The following SLC35D2 variants were observed in gnomAD, a reference collection of about 807,000 sequenced individuals.
SLC35D2 encodes solute carrier family 35 member D2, also known as nucleotide sugar transporter SLC35D2.
Under a neutral mutation model 41.8 loss-of-function variants are expected in SLC35D2, and 43 were observed. The observed-to-expected ratio is 1.03, with a 90% CI of 0.81 to 1.33. The LOEUF is 1.33. Ranked by LOEUF, SLC35D2 falls within the 40% of genes most tolerant of loss-of-function variation. SLC35D2 has a pLI of 0.00. For synonymous variants in SLC35D2, 150 were observed against 163.9 expected (o/e 0.92, Z 0.65); for missense variants, 380 against 408.4 (o/e 0.93, Z 0.60).
chr9:96,359,547 A>C (rs1587702315), intron 4 of SLC35D2, among the ~76,000 whole-genome samples: 2 of 147,028 alleles, frequency 1.4e-5, no homozygotes, highest in South Asian at 4.4e-4. Context: ...AAACTTAGCC[A>C]GGCGTGGTGG....
chr9:96,355,198 A>G (rs1268134435), intron 4 of SLC35D2, among the ~76,000 whole-genome samples: 1 of 151,772 alleles, frequency 6.6e-6, no homozygotes, highest in Admixed American at 6.6e-5. Flanking sequence ...TTGTATTTTT[A>G]GTATAGATGG....
chr9:96,362,094 A>C (rs1359635691), intron 3 of SLC35D2, among the ~76,000 whole-genome samples: 1 of 152,262 alleles, frequency 6.6e-6, no homozygotes. Context: ...GAATACAGCC[A>C]CACACAACAC....
chr9:96,321,410 G>T, intron 11 of SLC35D2, 69 bp from the exon 12 acceptor site: 1 of 1,114,532 alleles, frequency 9.0e-7, no homozygotes, highest in Non-Finnish European at 1.4e-6. Flanking sequence ...GCAGTTGCTG[G>T]CGTTTTTATC....
chr9:96,383,003 C>T (rs978399996), intron 1 of SLC35D2, among the ~76,000 whole-genome samples: 2 of 152,056 alleles, frequency 1.3e-5, no homozygotes, highest in Admixed American at 1.3e-4. Flanking sequence ...CACACTAATC[C>T]AAAAAAGTAC....
intron 1 of SLC35D2, among the ~76,000 whole-genome samples, chr9:96,375,987 C>T (rs1191286723): frequency 6.6e-6 from 1 of 151,890 alleles, no homozygotes; most frequent in Non-Finnish European, 1.5e-5. Context: ...ATGGTGAAAC[C>T]CCATCTCTAC....
chr9:96,321,911 T>G (rs1587825114), intron 11 of SLC35D2, 87 bp downstream of exon 11: 4 of 763,426 alleles, frequency 5.2e-6, no homozygotes, highest in Non-Finnish European at 6.6e-6. Flanking sequence ...GAAAGACTTC[T>G]CCAGGCTCTT....
chr9:96,321,404 T>A, intron 11 of SLC35D2, 63 bp from the exon 12 acceptor site: 1 of 1,165,888 alleles, frequency 8.6e-7, no homozygotes, highest in African/African-American at 1.5e-5. Context: ...CCAGCAGCAG[T>A]TGCTGGCGTT....
At chr9:96,382,631 G>A (rs7020954) in intron 1 of SLC35D2, among the ~76,000 whole-genome samples, 43,159 of 151,462 alleles carry the variant, frequency 0.28, 8,469 homozygotes, top group African/African-American at 0.57. Flanking sequence ...GAATCTGTAT[G>A]TATATATAAA....
At chr9:96,358,149 T>C (rs1431729921) in intron 4 of SLC35D2, among the ~76,000 whole-genome samples, 1 of 145,868 alleles carries the variant, frequency 6.9e-6, no homozygotes, top group East Asian at 1.9e-4. Context: ...AGGAATTAAA[T>C]TCTGATACCT....
chr9:96,323,718 A>C (rs1828366996), intron 10 of SLC35D2, among the ~76,000 whole-genome samples: 1 of 152,040 alleles, frequency 6.6e-6, no homozygotes, highest in South Asian at 2.1e-4. Context: ...CGAGGTCAGG[A>C]GTTCAAGACC....
chr9:96,378,059 C>T (rs993565072), intron 1 of SLC35D2, among the ~76,000 whole-genome samples: 4 of 151,396 alleles, frequency 2.6e-5, no homozygotes, highest in African/African-American at 7.3e-5. Flanking sequence ...TTCCAGTTCC[C>T]ACCACTGAGG....
chr9:96,338,539 G>C (rs1259342030), intron 8 of SLC35D2, among the ~76,000 whole-genome samples: 1 of 140,244 alleles, frequency 7.1e-6, no homozygotes, highest in Non-Finnish European at 1.5e-5. Flanking sequence ...CTGGGCAACA[G>C]AGTGAGACCC....
At chr9:96,328,296 G>A (rs1022260893) in intron 9 of SLC35D2, among the ~76,000 whole-genome samples, 7 of 152,040 alleles carry the variant, frequency 4.6e-5, no homozygotes, top group African/African-American at 1.7e-4. Flanking sequence ...GAGTACAGTG[G>A]CACAATCACA....
Position 96,322,061 on chromosome 9 carries a change from A to G in SLC35D2, c.851T>C (p.Ile284Thr), listed in dbSNP as rs139812615. Residue 284 changes from isoleucine (I) to threonine (T), a missense_variant, in exon 11 of 12, where the codon ATT becomes ACT. Coordinates refer to ENST00000253270, the MANE Select transcript of SLC35D2 (RefSeq NM_007001.3). ...GTAGTCTCCACCGATTAATATCCCA[A>G]TGTAGGCAACGGATACATTCTGCAG... ...GAIKNVSVAYIGILIGGDYIF... is the reference protein window; with the variant it reads ...GAIKNVSVAYTGILIGGDYIF... The G allele has an allele frequency of 6.2e-6, 10 of 1,603,518 alleles. No individual in the cohort carries two copies. The highest frequency in any genetic ancestry group is 2.2e-5 in the East Asian group (1 of 44,848).
chr9:96,349,442 G>C (rs1829717957), intron 6 of SLC35D2, among the ~76,000 whole-genome samples: 2 of 152,068 alleles, frequency 1.3e-5, no homozygotes, highest in African/African-American at 4.8e-5. Flanking sequence ...TGGGTCACTG[G>C]GTGGCCGCTC....
At chr9:96,336,404 C>T (rs1344249371) in intron 9 of SLC35D2, among the ~76,000 whole-genome samples, 2 of 152,172 alleles carry the variant, frequency 1.3e-5, no homozygotes, top group African/African-American at 4.8e-5. Context: ...AAATCCTCAG[C>T]ATTGAACTTG....
At chr9:96,380,217 G>A (rs372210773) in intron 1 of SLC35D2, among the ~76,000 whole-genome samples, 1 of 151,644 alleles carries the variant, frequency 6.6e-6, no homozygotes, top group African/African-American at 2.4e-5. Flanking sequence ...TTCTTAGGAG[G>A]TGTCTTATAT....
intron 9 of SLC35D2, among the ~76,000 whole-genome samples, chr9:96,329,039 A>G (rs924999616): frequency 1.3e-5 from 2 of 151,454 alleles, no homozygotes; most frequent in South Asian, 4.2e-4. Context: ...AGTGAGATGA[A>G]ATCGCGTCAC....
At chr9:96,349,102 T>C (rs10123368) in intron 6 of SLC35D2, among the ~76,000 whole-genome samples, 43,921 of 152,016 alleles carry the variant, frequency 0.29, 8,776 homozygotes, top group African/African-American at 0.58. Context: ...ATGGAAAGCC[T>C]TTGAAGGGCA....
Sources: allele counts gnomAD v4.1 joint callset (sites outside exome capture counted in the v4.1 genomes callset), GRCh38; gene constraint gnomAD v4.1.1; transcripts MANE v1.5; gene names NCBI Gene and HGNC (gene_info 2026-07-23, HGNC 2026-07-21).